Variants in RFTN2 observed in about 807,000 individuals in gnomAD.
RFTN2 encodes the protein raftlin family member 2.
In RFTN2, 34 loss-of-function variants were observed where a neutral mutation model predicts 52.7. The observed-to-expected ratio is 0.64, with a 90% CI of 0.49 to 0.86. RFTN2 has a LOEUF of 0.86. Among genes scored for constraint, RFTN2 ranks in the 40% least tolerant of loss-of-function variants. The pLI, the probability that RFTN2 is intolerant of heterozygous loss-of-function variation, is 0.00. For missense variants in RFTN2, 536 were observed against 600.1 expected (o/e 0.89, Z 1.12); for synonymous variants, 203 against 217.7 (o/e 0.93, Z 0.59).
rs1483037416 is a variant in RFTN2, at chr2:197,618,848, G to A, written c.929-927C>T. On this transcript the variant is annotated intron_variant, in intron 5 of 8. Transcript: ENST00000295049. ...TGAGAAGTGAGGAGCCCCTCCGCCC[G>A]GCAGCCGCCCCGTCTGAGAAGTGAG... is the stretch of plus-strand genomic sequence containing the variant. Among the ~76,000 whole-genome samples the A allele has an allele frequency of 4.6e-5, 7 of 150,690 alleles. No individual in the cohort carries two copies. In the East Asian group the frequency reaches 7.9e-4, roughly 17 times the overall value.
At chr2:197,589,187 A>G (rs1229494503) in intron 8 of RFTN2, among the ~76,000 whole-genome samples, 2 of 119,792 alleles carry the variant, frequency 1.7e-5, no homozygotes, top group Admixed American at 1.2e-4. Flanking sequence ...ATGCCATTGC[A>G]CCCCAGCCTG....
At chr2:197,672,362 G>A (rs561936123) in intron 1 of RFTN2, among the ~76,000 whole-genome samples, 5 of 152,106 alleles carry the variant, frequency 3.3e-5, no homozygotes, top group Non-Finnish European at 7.4e-5. Flanking sequence ...TAATTTTATG[G>A]CCAGAATAAG....
At chr2:197,598,069 C>T (rs1029274779) in intron 7 of RFTN2, among the ~76,000 whole-genome samples, 19 of 152,278 alleles carry the variant, frequency 1.2e-4, no homozygotes, top group African/African-American at 3.4e-4. Flanking sequence ...AATCCTAGCA[C>T]TTTGTGAAGC....
At position 197,570,197 on chromosome 2, in the gene RFTN2, A is replaced by G. The variant is rs996972978; in HGVS notation, c.*1811T>C. The G allele has an allele frequency of 6.6e-6, 1 of 152,166 alleles. No individual in the cohort carries two copies. Among genetic ancestry groups the G allele is most frequent in the African/African-American group, 2.4e-5 (1 of 41,444 alleles). 9.4% of individuals were successfully genotyped at this position (152,166 alleles called of 1,614,324 possible). A position where few individuals can be genotyped will look rare whatever the true frequency, so the allele number is the denominator to read the frequency against. On this transcript the variant is annotated 3_prime_UTR_variant, in exon 9 of 9. Transcript: ENST00000295049. ...ACCAAAAATCCACTAACTCTTGATT[A>G]TGGAACTCAAGTCCATCTAAAAGTC...
rs535734767 is a variant in RFTN2 at position 197,605,451 on chromosome 2, A to C, written c.1155-9382T>G. 3.3e-5 allele frequency among the ~76,000 whole-genome samples: 5 copies of C among 151,966 alleles called. No individual in the cohort carries two copies. In the South Asian group the frequency reaches 1.0e-3, roughly 32 times the overall value. ...AGGATGATCTCGATCTCCTGACCTCATGATCCGCCCGCCTTGGCCTCCCAA... is the reference window on the plus strand; with the variant it reads ...AGGATGATCTCGATCTCCTGACCTCCTGATCCGCCCGCCTTGGCCTCCCAA... On this transcript the variant is annotated intron_variant, in intron 7 of 8. Transcript: ENST00000295049.
intron 8 of RFTN2, among the ~76,000 whole-genome samples, chr2:197,590,453 G>GA (rs931563253): frequency 1.3e-5 from 2 of 152,058 alleles, no homozygotes; most frequent in Non-Finnish European, 2.9e-5. Flanking sequence ...AACTTCCGAA[G>GA]AAAAAAATCC....
intron 7 of RFTN2, among the ~76,000 whole-genome samples, chr2:197,613,904 T>C (rs1398270480): frequency 6.6e-6 from 1 of 152,242 alleles, no homozygotes; most frequent in Non-Finnish European, 1.5e-5. Flanking sequence ...TCTGCTATCT[T>C]CTATACAGAG....
chr2:197,675,326 G>A lies in RFTN2; in HGVS notation c.133C>T (p.Leu45=). 6.3e-7 allele frequency: 1 copy of A among 1,595,864 alleles called. No homozygotes were observed. Among genetic ancestry groups the A allele is most frequent in the Admixed American group, 1.8e-5 (1 of 57,092 alleles). ...AYEYVLLDFT[L]QASSNPEVIK... The stretch of plus-strand genomic sequence containing the variant: ...AAATAGAAGCAAAAAGTACCTTGTA[G>A]AGTAAAATCCAGCAATACATATTCG... Residue 45 remains leucine (L), a synonymous_variant, in exon 1 of 9, where the codon CTA becomes TTA. Transcript: ENST00000295049.
chr2:197,573,260 C>T (rs548134602), intron 8 of RFTN2, among the ~76,000 whole-genome samples: 97 of 152,198 alleles, frequency 6.4e-4, no homozygotes, highest in African/African-American at 2.0e-3. Flanking sequence ...TGGCTTTGAT[C>T]GAAATGCTTA....
chr2:197,615,038 T>G (rs1041811329), intron 7 of RFTN2, among the ~76,000 whole-genome samples: 5 of 152,222 alleles, frequency 3.3e-5, no homozygotes, highest in African/African-American at 1.2e-4. Context: ...GGTGTGGCTT[T>G]TCAGATAAAG....
At chr2:197,662,938 T>C in intron 1 of RFTN2, among the ~76,000 whole-genome samples, 1 of 152,158 alleles carries the variant, frequency 6.6e-6, no homozygotes, top group East Asian at 1.9e-4. Context: ...CTTCCATTTA[T>C]TTCCTCAGTG....
intron 8 of RFTN2, among the ~76,000 whole-genome samples, chr2:197,590,662 T>C (rs2087692025): frequency 6.6e-6 from 1 of 152,280 alleles, no homozygotes; most frequent in East Asian, 1.9e-4. Flanking sequence ...TTCTGGTGTT[T>C]GGATGTGTTC....
At chr2:197,612,670 TG>T (rs2088082377) in intron 7 of RFTN2, among the ~76,000 whole-genome samples, 1 of 152,260 alleles carries the variant, frequency 6.6e-6, no homozygotes, top group Admixed American at 6.5e-5. Context: ...TGGAATAATG[TG>T]GTGATATAAG....
At chr2:197,625,988 C>T (rs553802966) in intron 5 of RFTN2, among the ~76,000 whole-genome samples, 2 of 152,126 alleles carry the variant, frequency 1.3e-5, no homozygotes, top group East Asian at 1.9e-4. Context: ...AGCGTTTTGC[C>T]GTGTTGGCCA....
Position 197,570,328 on chromosome 2 carries a change from G to T in RFTN2, c.*1680C>A, listed in dbSNP as rs1574667526. On this transcript the variant is annotated 3_prime_UTR_variant, in exon 9 of 9. Coordinates refer to ENST00000295049, the MANE Select transcript of RFTN2 (RefSeq NM_144629.3). ...TATACTGTACTTCTGGATGATAAAA[G>T]TGGAATAATTCCTGTTAATTTTATC... 6.6e-6 allele frequency: 1 copy of T among 152,166 alleles called. No individual in the cohort carries two copies. Among genetic ancestry groups the T allele is most frequent in the Non-Finnish European group, 1.5e-5 (1 of 68,032 alleles). 9.4% of individuals were successfully genotyped at this position (152,166 alleles called of 1,614,324 possible). A position where few individuals can be genotyped will look rare whatever the true frequency, so the allele number is the denominator to read the frequency against.
chr2:197,598,106 G>A (rs2087820944), intron 7 of RFTN2, among the ~76,000 whole-genome samples: 1 of 152,142 alleles, frequency 6.6e-6, no homozygotes, highest in Non-Finnish European at 1.5e-5. Context: ...CTTGAGCCCA[G>A]GAGTTTGAGA....
intron 5 of RFTN2, among the ~76,000 whole-genome samples, chr2:197,620,693 G>A (rs536522097): frequency 1.3e-5 from 2 of 152,318 alleles, no homozygotes; most frequent in South Asian, 2.1e-4. Flanking sequence ...TAGGCTGGGC[G>A]CAGTGGCTCA....
At chr2:197,597,085 A>G (rs958952732) in intron 7 of RFTN2, among the ~76,000 whole-genome samples, 3 of 152,180 alleles carry the variant, frequency 2.0e-5, no homozygotes, top group African/African-American at 7.2e-5. Flanking sequence ...AATGAATGCA[A>G]CACTGAAACT....
At chr2:197,669,438 A>G (rs975744027) in intron 1 of RFTN2, among the ~76,000 whole-genome samples, 21 of 152,140 alleles carry the variant, frequency 1.4e-4, no homozygotes, top group African/African-American at 5.1e-4. Flanking sequence ...TAAAAGAAAA[A>G]GACACAAAAC....
Sources: allele counts gnomAD v4.1 joint callset (sites outside exome capture counted in the v4.1 genomes callset), GRCh38; gene constraint gnomAD v4.1.1; transcripts MANE v1.5; gene names NCBI Gene and HGNC (gene_info 2026-07-23, HGNC 2026-07-21).